Variants in DPF1 observed in about 807,000 individuals in gnomAD.
DPF1 encodes the protein zinc finger protein neuro-d4.
In DPF1, 14 loss-of-function variants were observed where a neutral mutation model predicts 58.7. The ratio of observed to expected loss-of-function variants is 0.24; its 90% CI spans 0.16 to 0.37. The LOEUF is 0.37. DPF1 is among the 10% of genes least tolerant of loss of function. The pLI, the probability that DPF1 is intolerant of heterozygous loss-of-function variation, is 1.00. For missense variants in DPF1, 345 were observed against 529.9 expected (o/e 0.65, Z 3.43); for synonymous variants, 216 against 216.0 (o/e 1.00, Z 0.00).
chr19:38,221,531 C>CT (rs1165864056), intron 3 of DPF1, among the ~76,000 whole-genome samples: 9 of 126,608 alleles, frequency 7.1e-5, no homozygotes, highest in African/African-American at 3.3e-4. Context: ...CAGAGCCAGA[C>CT]TCCATCTCAA....
At chr19:38,214,574 T>C (rs1454728968) in intron 9 of DPF1, among the ~76,000 whole-genome samples, 1 of 152,230 alleles carries the variant, frequency 6.6e-6, no homozygotes, top group East Asian at 1.9e-4. Context: ...GAGCTCATCC[T>C]GCTACCGGTG....
intron 9 of DPF1, among the ~76,000 whole-genome samples, chr19:38,214,581 G>A (rs540445123): frequency 2.6e-5 from 4 of 152,204 alleles, no homozygotes; most frequent in African/African-American, 7.2e-5. Context: ...TCCTGCTACC[G>A]GTGCCCAGGT....
At position 38,229,306 on chromosome 19, in the gene DPF1, A is replaced by G. The variant is rs1476552316; in HGVS notation, c.-132+253T>C. Among the ~76,000 whole-genome samples, 1 of 151,700 alleles carries G rather than the reference A, an allele frequency of 6.6e-6. No homozygotes were observed. Among genetic ancestry groups the G allele is most frequent in the Non-Finnish European group, 1.5e-5 (1 of 67,874 alleles). ...TCTGGGTGGGGAAACGGCCTCCGCC[A>G]CCCCCAGCCCGCGCCGCATTCCTTC... On this transcript the variant is annotated intron_variant, in intron 1 of 11. Transcript: ENST00000412732. This position sits in a 1 kb window ranked among gnomAD's most constrained non-coding sequence, Gnocchi z 5.3.
At chr19:38,225,681 G>A (rs1967787463), upstream of DPF1, among the ~76,000 whole-genome samples, 2 of 151,950 alleles carry the variant, frequency 1.3e-5, no homozygotes, top group African/African-American at 2.4e-5. Context: ...GACCGCTTGA[G>A]CTCAGGAGAA....
intron 10 of DPF1, 139 bp from the exon 11 acceptor site, chr19:38,212,500 A>C: frequency 1.8e-6 from 1 of 546,822 alleles, no homozygotes; most frequent in South Asian, 2.9e-5. Flanking sequence ...AGGTCTTTGC[A>C]GCAGGAAATG....
At chr19:38,216,497 G>C (rs1488172975) in intron 7 of DPF1, 94 bp from the exon 8 acceptor site, 27 of 1,418,406 alleles carry the variant, frequency 1.9e-5, no homozygotes, top group Non-Finnish European at 2.8e-6. Flanking sequence ...TCTTAGTCCA[G>C]GCGTGGGGAG....
At position 38,217,476 on chromosome 19, in the gene DPF1, C is replaced by T; in HGVS notation, c.711G>A (p.Arg237=). ...CCAGCTCACGTTTATGGTTGTTTTT[C>T]CGGTGGAAGGGCAGGGCGTGGCGTT... ...NAERHALPFH[R]KNNHKQFYKE... Residue 237 remains arginine, a synonymous_variant, in exon 7 of 12, where the codon CGG becomes CGA. Transcript: ENST00000355526. 7.1e-7 allele frequency: 1 copy of T among 1,418,332 alleles called. No individual in the cohort carries two copies. The highest frequency in any genetic ancestry group is 9.4e-7 in the Non-Finnish European group (1 of 1,066,968). The allele number at this position is 1,418,332 out of a possible 1,614,324, so 87.9% of individuals were successfully genotyped here.
chr19:38,216,507 G>C, intron 7 of DPF1, 104 bp from the exon 8 acceptor site: 1 of 1,359,434 alleles, frequency 7.4e-7, no homozygotes, highest in Non-Finnish European at 9.8e-7. Context: ...GGCGTGGGGA[G>C]CTGGGAAGAG....
chr19:38,219,831 C>G (rs1967313833), intron 3 of DPF1: 2 of 152,114 alleles, frequency 1.3e-5, no homozygotes. Flanking sequence ...TTGGAGACAC[C>G]CAGACACAGG....
At chr19:38,212,989 G>GTTT (rs1186926618) in intron 10 of DPF1, among the ~76,000 whole-genome samples, 2 of 133,444 alleles carry the variant, frequency 1.5e-5, no homozygotes, top group Non-Finnish European at 3.3e-5. Context: ...GTTTTTGTTT[G>GTTT]TTTTTTTTTT....
At chr19:38,218,896 GC>G in intron 4 of DPF1, 34 bp downstream of exon 4, 1 of 1,611,814 alleles carries the variant, frequency 6.2e-7, no homozygotes. Flanking sequence ...GTGAGACGAA[GC>G]CATGCAGCGG....
chr19:38,227,966 CG>C (rs1392966159), upstream of DPF1: 1 of 152,408 alleles, frequency 6.6e-6, no homozygotes, highest in Non-Finnish European at 1.5e-5. Context: ...CCCCTGCTCA[CG>C]GCTGTAGCAC....
chr19:38,225,121 T>C (rs1344991400), upstream of DPF1, among the ~76,000 whole-genome samples: 1 of 151,990 alleles, frequency 6.6e-6, no homozygotes, highest in Non-Finnish European at 1.5e-5. Flanking sequence ...TGGCGCATGC[T>C]TATACTCCCC....
rs968372091 is a variant in DPF1, at chr19:38,229,406, G to A, written c.-132+153C>T. On this transcript the variant is annotated intron_variant, in intron 1 of 11. Transcript: ENST00000412732. The surrounding 1 kb of genome is among the most constrained non-coding windows in gnomAD (Gnocchi z 5.3). ...GCCCCCAACCCCAGGGGGCGACAGG[G>A]GGTGGGGACCCCCGGGGCAAGGGTT... Among the ~76,000 whole-genome samples the A allele has an allele frequency of 2.0e-5, 3 of 151,346 alleles. No individual in the cohort carries two copies. The highest frequency in any genetic ancestry group is 3.0e-5 in the Non-Finnish European group (2 of 67,716).
Position 38,224,208 on chromosome 19 carries a change from C to A in DPF1, c.-66G>T. 7.5e-7 allele frequency: 1 copy of A among 1,333,486 alleles called. No individual in the cohort carries two copies. The highest frequency in any genetic ancestry group is 9.6e-7 in the Non-Finnish European group (1 of 1,041,246). The allele number at this position is 1,333,486 out of a possible 1,614,324, so 82.6% of individuals were successfully genotyped here. A position where few individuals can be genotyped will look rare whatever the true frequency, so the allele number is the denominator to read the frequency against. ...TCGGTCCTCCCAGCGGTCGGGCGGG[C>A]GCTGAGGCCGCCCATCCATTCATTC... On this transcript the variant is annotated 5_prime_UTR_variant, in exon 1 of 12. Transcript: ENST00000355526. This position sits in a 1 kb window ranked among gnomAD's most constrained non-coding sequence, Gnocchi z 4.5.
At chr19:38,225,634 C>T (rs761182795), upstream of DPF1, among the ~76,000 whole-genome samples, 1 of 151,802 alleles carries the variant, frequency 6.6e-6, no homozygotes, top group African/African-American at 2.4e-5. Flanking sequence ...GTGACTCATG[C>T]CTGTAATCCC....
rs1246871449 is a variant in DPF1, at chr19:38,222,490, C to T, written c.191-26G>A. 6 of 1,579,582 alleles carry T rather than the reference C, an allele frequency of 3.8e-6. No homozygotes were observed. The highest frequency in any genetic ancestry group is 4.6e-5 in the East Asian group (2 of 43,360). ...CTGGAGAGAGAGGGGGGTGAGAGGGCGGCGGCGGTGGGGCGGCCTGGCCCC... is the reference window on the plus strand; with the variant it reads ...CTGGAGAGAGAGGGGGGTGAGAGGGTGGCGGCGGTGGGGCGGCCTGGCCCC... On this transcript the variant is annotated intron_variant, in intron 2 of 11. Coordinates refer to ENST00000355526, the MANE Select transcript of DPF1 (RefSeq NM_001135155.3). This position sits in a 1 kb window ranked among gnomAD's most constrained non-coding sequence, Gnocchi z 4.9.
intron 7 of DPF1, chr19:38,216,616 C>A: frequency 4.0e-6 from 2 of 498,138 alleles, no homozygotes; most frequent in South Asian, 5.7e-5. Flanking sequence ...AAAATAAAGG[C>A]AGGGTCTTGG....
At chr19:38,218,850 C>A in intron 4 of DPF1, 81 bp downstream of exon 4, 1 of 1,587,858 alleles carries the variant, frequency 6.3e-7, no homozygotes, top group Non-Finnish European at 8.6e-7. Flanking sequence ...GGTTTCAGAG[C>A]AGGAACGTGA....
Sources: gnomAD v4.1 joint callset for allele counts (sites outside exome capture counted in the v4.1 genomes callset) on GRCh38, gnomAD v4.1.1 for gene constraint, Gnocchi (gnomAD v3.1) non-coding constraint, MANE v1.5 for transcripts, NCBI Gene and HGNC (gene_info 2026-07-23, HGNC 2026-07-21) for gene names.